The following MAPKBP1 variants were observed in gnomAD, a reference collection of about 807,000 sequenced individuals.
MAPKBP1 encodes mitogen-activated protein kinase binding protein 1.
A neutral mutation model predicts 170.5 loss-of-function variants in MAPKBP1; 71 were observed. The observed-to-expected ratio is 0.42, with a 90% CI of 0.34 to 0.51. The LOEUF is 0.51. MAPKBP1 is among the 20% of genes least tolerant of loss of function. MAPKBP1 has a pLI of 0.06. For synonymous variants in MAPKBP1, 719 were observed against 757.9 expected (o/e 0.95, Z 0.84); for missense variants, 1,598 against 1,933.0 (o/e 0.83, Z 3.25).
At chr15:41,812,253 T>C in intron 6 of MAPKBP1, 126 bp downstream of exon 6, 1 of 1,391,770 alleles carries the variant, frequency 7.2e-7, no homozygotes, top group Non-Finnish European at 9.9e-7. Context: ...TAGAAAGTTA[T>C]TTGAAGCAGA....
chr15:41,811,534 G>C, intron 5 of MAPKBP1: 1 of 656,822 alleles, frequency 1.5e-6, no homozygotes, highest in Non-Finnish European at 2.8e-6. Flanking sequence ...TCCTGCTGGT[G>C]AAGGAAGCGT....
chr15:41,822,291 G>T lies in MAPKBP1; in HGVS notation c.3098G>T (p.Gly1033Val). The T allele has an allele frequency of 6.2e-7, 1 of 1,614,092 alleles. No homozygotes were observed. The highest frequency in any genetic ancestry group is 1.7e-5 in the Admixed American group (1 of 60,024). ...TCAGACCTTGAAGAGCCAGCTGAGG[G>T]TGATGAAGAAGAGGAAGAAGAGGAG... ...ISSDLEEPAEGDEEEEEEEGG... is the reference protein window; with the variant it reads ...ISSDLEEPAEVDEEEEEEEGG... The change falls in exon 26 of 31, where the codon GGT becomes GTT. Residue 1033 changes from glycine (G) to valine (V), a missense_variant. This residue lies in a region of MAPKBP1 where 942 missense variants were observed against 953.2 expected (regional missense o/e 0.99). Coordinates refer to ENST00000457542, the MANE Select transcript of MAPKBP1 (RefSeq NM_014994.3).
At chr15:41,821,361 A>T in intron 23 of MAPKBP1, 1 of 610,842 alleles carries the variant, frequency 1.6e-6, no homozygotes, top group South Asian at 2.0e-5. Context: ...CAGAGTGCTA[A>T]TATAGTTCAT....
Position 41,825,341 on chromosome 15 carries a change from G to T in MAPKBP1, c.4432G>T (p.Gly1478Trp), listed in dbSNP as rs771984211. 1.2e-6 allele frequency: 2 copies of T among 1,613,462 alleles called. No individual in the cohort carries two copies. The highest frequency in any genetic ancestry group is 1.7e-6 in the Non-Finnish European group (2 of 1,180,004). Residue 1478 changes from glycine (G) to tryptophan (W), a missense_variant, in exon 31 of 31, where the codon GGG becomes TGG. By Grantham distance (184) the Gly-to-Trp change is radical. Transcript: ENST00000457542. The stretch of plus-strand genomic sequence containing the variant: ...GCTGTCCAGCCCAGGCAGCAGCCCT[G>T]GGGCTGTGGGAGCCGAGCAGACACA... The part of the protein sequence containing the change: ...AVLSSPGSSP[G>W]AVGAEQTQAL...
chr15:41,810,244 C>A (rs1295051650), intron 3 of MAPKBP1, among the ~76,000 whole-genome samples: 1 of 152,208 alleles, frequency 6.6e-6, no homozygotes, highest in Non-Finnish European at 1.5e-5. Context: ...CTGGGGTATG[C>A]ACAAGGGCTG....
chr15:41,815,936 A>G, intron 12 of MAPKBP1, 137 bp downstream of exon 12: 1 of 841,934 alleles, frequency 1.2e-6, no homozygotes, highest in Non-Finnish European at 1.8e-6. Context: ...TAACTTCACA[A>G]TGAGTAAACC....
In MAPKBP1 at chr15:41,813,796, C is replaced by A; in HGVS notation, c.980+15C>A. 1.3e-6 allele frequency: 2 copies of A among 1,568,022 alleles called. No homozygotes were observed. Among genetic ancestry groups the A allele is most frequent in the South Asian group, 1.2e-5 (1 of 84,470 alleles). ...ACCGAGGCCAGGTGAGCTATGTGGG[C>A]CCCCCTTCCTCCATTTGTAGCCTTA... On this transcript the variant is annotated intron_variant, in intron 9 of 30. Transcript: ENST00000457542.
intron 3 of MAPKBP1, among the ~76,000 whole-genome samples, chr15:41,806,930 C>A (rs896279419): frequency 1.3e-5 from 2 of 152,218 alleles, no homozygotes; most frequent in African/African-American, 4.8e-5. Flanking sequence ...ACACAAGGAG[C>A]CCTGGCTATG....
In MAPKBP1 at chr15:41,817,975, C is replaced by T. The variant is rs375535175; in HGVS notation, c.1905-34C>T. Reference sequence around the variant, plus strand: ...CCCCAGGCGTGTTCCACCTTCACCGCCTCCTCATGAGAAAGAGACTATGTT... The same window carrying T: ...CCCCAGGCGTGTTCCACCTTCACCGTCTCCTCATGAGAAAGAGACTATGTT... On this transcript the variant is annotated intron_variant, in intron 16 of 30. Coordinates refer to ENST00000457542, the MANE Select transcript of MAPKBP1 (RefSeq NM_014994.3). This position sits in a 1 kb window ranked among gnomAD's most constrained non-coding sequence, Gnocchi z 4.2. 4.4e-6 allele frequency: 7 copies of T among 1,606,866 alleles called. No individual in the cohort carries two copies. The highest frequency in any genetic ancestry group is 6.0e-6 in the Non-Finnish European group (7 of 1,173,628).
chr15:41,819,175 C>A, intron 20 of MAPKBP1, 71 bp from the exon 21 acceptor site: 1 of 1,568,914 alleles, frequency 6.4e-7, no homozygotes, highest in Non-Finnish European at 8.7e-7. Context: ...CCTCTTCCTT[C>A]TTCCCCCACT....
chr15:41,798,181 T>C (rs1481343030), intron 2 of MAPKBP1, among the ~76,000 whole-genome samples: 1 of 114,322 alleles, frequency 8.7e-6, no homozygotes, highest in Non-Finnish European at 1.7e-5. Context: ...ACCCGGGAGG[T>C]GGAGCTTGCA....
At position 41,827,429 on chromosome 15, in the gene MAPKBP1, C is replaced by A. The variant is rs1172906649; in HGVS notation, c.*1993C>A. On this transcript the variant is annotated 3_prime_UTR_variant, in exon 31 of 31. Transcript: ENST00000457542. ...TCGCCACCCGCATGGCCCTGGAACT[C>A]CCGCGGCGGCGGGGGCGGGCCCGTG... 1 of 152,530 alleles carries A rather than the reference C, an allele frequency of 6.6e-6. No homozygotes were observed. Among genetic ancestry groups the A allele is most frequent in the Non-Finnish European group, 1.5e-5 (1 of 68,266 alleles). The allele number at this position is 152,530 out of a possible 1,614,324, so 9.4% of individuals were successfully genotyped here.
chr15:41,782,685 C>G (rs190565921), intron 2 of MAPKBP1, among the ~76,000 whole-genome samples: 1 of 152,196 alleles, frequency 6.6e-6, no homozygotes, highest in Non-Finnish European at 1.5e-5. Flanking sequence ...TCCCAGGGAG[C>G]CTTCATGTGC....
intron 20 of MAPKBP1, 42 bp from the exon 21 acceptor site, chr15:41,819,204 T>C: frequency 1.9e-5 from 30 of 1,605,336 alleles, no homozygotes; most frequent in East Asian, 2.2e-5. Context: ...TCTCCCCCTA[T>C]TGAGTCTCCT....
intron 2 of MAPKBP1, among the ~76,000 whole-genome samples, chr15:41,782,497 G>A (rs2064208243): frequency 6.6e-6 from 1 of 152,108 alleles, no homozygotes; most frequent in Admixed American, 6.6e-5. Context: ...TCTTATTCAA[G>A]TTTTACAGAA....
chr15:41,812,953 G>A lies in MAPKBP1; in HGVS notation c.671G>A (p.Gly224Glu). Reference sequence around the variant, plus strand: ...ACTGTGCCCTTGCTGGGCCGCTCAGGGCTGCTGGGAGAGCTACGGAACAAC... The same window carrying A: ...ACTGTGCCCTTGCTGGGCCGCTCAGAGCTGCTGGGAGAGCTACGGAACAAC... ...NATVPLLGRS[G>E]LLGELRNNLF... Residue 224 changes from glycine to glutamate, a missense_variant, in exon 8 of 31, where the codon GGG becomes GAG. This residue lies in a region of MAPKBP1 where 430 missense variants were observed against 617.2 expected (regional missense o/e 0.70). Transcript: ENST00000457542. The A allele has an allele frequency of 6.2e-7, 1 of 1,611,602 alleles. No homozygotes were observed. Among genetic ancestry groups the A allele is most frequent in the Non-Finnish European group, 8.5e-7 (1 of 1,178,640 alleles).
At chr15:41,824,969 G>A (rs984496735) in intron 30 of MAPKBP1, 51 of 493,134 alleles carry the variant, frequency 1.0e-4, no homozygotes, top group African/African-American at 3.3e-4. Context: ...AGATTCTGCC[G>A]GAGTTGTCAT....
chr15:41,825,901 C>T lies in MAPKBP1; in HGVS notation c.*465C>T, dbSNP rs563510829. On this transcript the variant is annotated 3_prime_UTR_variant, in exon 31 of 31. Coordinates refer to ENST00000457542, the MANE Select transcript of MAPKBP1 (RefSeq NM_014994.3). ...GGGCCTTCACCTCTACCTGCACTTC[C>T]CCTCTCACACCAGCTGCACTCCCGT... 1 of 153,746 alleles carries T rather than the reference C, an allele frequency of 6.5e-6. No homozygotes were observed. Among genetic ancestry groups the T allele is most frequent in the Non-Finnish European group, 1.5e-5 (1 of 68,788 alleles). 9.5% of individuals were successfully genotyped at this position (153,746 alleles called of 1,614,324 possible).
rs1333409741 is a variant in MAPKBP1, at chr15:41,815,672, G to C, written c.1366G>C (p.Asp456His). The C allele has an allele frequency of 6.2e-7, 1 of 1,614,092 alleles. No individual in the cohort carries two copies. Among genetic ancestry groups the C allele is most frequent in the East Asian group, 2.2e-5 (1 of 44,880 alleles). ...GGATGGGAACACCCAGGCCCTGCTG[G>C]ACACAGAGCTGCCTGGAGGAGACAA... ...YVDGNTQALLDTELPGGDKAD... is the reference protein window; with the variant it reads ...YVDGNTQALLHTELPGGDKAD... Residue 456 changes from aspartate to histidine, a missense_variant, in exon 12 of 31, where the codon GAC (aspartate) becomes CAC (histidine). By Grantham distance (81) the Asp-to-His change is moderately conservative (BLOSUM62 -1). Transcript: ENST00000457542.
Sources: allele counts gnomAD v4.1 joint callset (sites outside exome capture counted in the v4.1 genomes callset), GRCh38; gene constraint gnomAD v4.1.1; regional missense constraint gnomAD v4.1.1; non-coding constraint Gnocchi (gnomAD v3.1); transcripts MANE v1.5; gene names NCBI Gene and HGNC (gene_info 2026-07-23, HGNC 2026-07-21).